SLC2A9: variants seen among roughly 807,000 people sequenced by gnomAD.
SLC2A9 encodes the protein solute carrier family 2 member 9, also known as solute carrier family 2, facilitated glucose transporter member 9.
Under a neutral mutation model 50.6 loss-of-function variants are expected in SLC2A9, and 39 were observed. The observed-to-expected ratio is 0.77, with a 90% CI of 0.60 to 1.01. The LOEUF is 1.01. Ranked by LOEUF, SLC2A9 falls within the 50% of genes least tolerant of loss-of-function variation. SLC2A9 has a pLI of 0.00. For missense variants in SLC2A9, 686 were observed against 677.6 expected (o/e 1.01, Z -0.14); for synonymous variants, 324 against 276.9 (o/e 1.17, Z -1.69).
chr4:10,011,998 C>T (rs1173719618), intron 2 of SLC2A9, among the ~76,000 whole-genome samples: 2 of 152,200 alleles, frequency 1.3e-5, no homozygotes, highest in African/African-American at 2.4e-5. Flanking sequence ...CCTAGACCAC[C>T]ATCTGTTTCG....
intron 5 of SLC2A9, among the ~76,000 whole-genome samples, chr4:9,963,815 C>G (rs921503258): frequency 2.0e-5 from 3 of 152,176 alleles, no homozygotes; most frequent in Non-Finnish European, 4.4e-5. Flanking sequence ...GTGCAAGAAT[C>G]ACATCCAGCG....
intron 3 of SLC2A9, among the ~76,000 whole-genome samples, chr4:9,989,063 C>G (rs1344143839): frequency 6.6e-6 from 1 of 152,204 alleles, no homozygotes; most frequent in Non-Finnish European, 1.5e-5. Flanking sequence ...CCTGACTGGG[C>G]CTATAAGCCA....
chr4:9,782,059 G>T (rs755213948), intron 3 of SLC2A9: 2 of 1,487,192 alleles, frequency 1.3e-6, no homozygotes, highest in South Asian at 2.8e-5. Context: ...ACGGCACCGC[G>T]TACCCGGGGC....
chr4:9,867,278 ACG>A (rs1187062490), intron 10 of SLC2A9, among the ~76,000 whole-genome samples: 7 of 152,202 alleles, frequency 4.6e-5, no homozygotes, highest in Admixed American at 4.6e-4. Flanking sequence ...AAGAAAGTAG[ACG>A]CAGTGTTTCC....
intron 10 of SLC2A9, among the ~76,000 whole-genome samples, chr4:9,839,669 C>T (rs1727702097): frequency 6.6e-6 from 1 of 152,044 alleles, no homozygotes; most frequent in African/African-American, 2.4e-5. Context: ...AGATCATGTC[C>T]TTTGCAGGGA....
chr4:9,896,152 T>C (rs1015875924), intron 8 of SLC2A9, among the ~76,000 whole-genome samples: 7 of 152,364 alleles, frequency 4.6e-5, no homozygotes, highest in Admixed American at 6.5e-5. Context: ...GTTGGATGGG[T>C]AAAACCTTTA....
intron 10 of SLC2A9, among the ~76,000 whole-genome samples, chr4:9,877,658 A>T (rs969551021): frequency 6.6e-6 from 1 of 152,026 alleles, no homozygotes; most frequent in Non-Finnish European, 1.5e-5. Flanking sequence ...GAGTTAAAGG[A>T]CTGAGCCCTT....
chr4:9,981,450 T>G (rs558527694), intron 4 of SLC2A9, among the ~76,000 whole-genome samples: 1 of 152,334 alleles, frequency 6.6e-6, no homozygotes, highest in South Asian at 2.1e-4. Flanking sequence ...TTAACGTTAT[T>G]TACTTTTAAC....
intron 1 of SLC2A9, chr4:10,034,480 T>C (rs563086906): frequency 1.3e-5 from 2 of 152,458 alleles, no homozygotes; most frequent in African/African-American, 4.8e-5. Flanking sequence ...GCCAGAGCTC[T>C]CACTTGGCAT....
intron 2 of SLC2A9, among the ~76,000 whole-genome samples, chr4:10,014,607 T>C (rs1762302380): frequency 6.6e-6 from 1 of 152,198 alleles, no homozygotes; most frequent in African/African-American, 2.4e-5. Flanking sequence ...CAGAAAGCCT[T>C]GAGCTCTCTC....
At chr4:9,915,998 G>A (rs374942432) in intron 7 of SLC2A9, among the ~76,000 whole-genome samples, 1 of 152,174 alleles carries the variant, frequency 6.6e-6, no homozygotes, top group Non-Finnish European at 1.5e-5. Flanking sequence ...AAAAGAGGGG[G>A]AAAGTACCAC....
intron 1 of SLC2A9, chr4:10,029,340 A>G (rs1209882950): frequency 3.9e-5 from 6 of 152,132 alleles, no homozygotes; most frequent in East Asian, 1.9e-4. Context: ...ACAGTCTCCA[A>G]CCAAACCATT....
chr4:9,807,550 C>A (rs1263366009), intron 3 of SLC2A9, among the ~76,000 whole-genome samples: 1 of 152,204 alleles, frequency 6.6e-6, no homozygotes, highest in Non-Finnish European at 1.5e-5. Flanking sequence ...GGCCAGGCCT[C>A]TTGCCTTTTG....
chr4:9,801,511 C>G (rs1721400947), intron 3 of SLC2A9, among the ~76,000 whole-genome samples: 1 of 152,224 alleles, frequency 6.6e-6, no homozygotes, highest in Non-Finnish European at 1.5e-5. Flanking sequence ...GCAGTCAACA[C>G]TGTAGCTCTG....
chr4:9,777,139 A>T (rs895038741), downstream of SLC2A9, among the ~76,000 whole-genome samples: 3 of 152,128 alleles, frequency 2.0e-5, no homozygotes, highest in Non-Finnish European at 2.9e-5. Flanking sequence ...CTCCTCAATA[A>T]TATAAGCCCA....
At chr4:9,849,043 G>C (rs533283115) in intron 10 of SLC2A9, among the ~76,000 whole-genome samples, 10 of 152,286 alleles carry the variant, frequency 6.6e-5, no homozygotes, top group Admixed American at 2.0e-4. Context: ...GGCTAACCAG[G>C]GTGCACGTTC....
chr4:9,845,721 C>A (rs1485635951), intron 10 of SLC2A9, among the ~76,000 whole-genome samples: 1 of 152,174 alleles, frequency 6.6e-6, no homozygotes, highest in Non-Finnish European at 1.5e-5. Context: ...TGAGCCACCG[C>A]GCCCGGCCCT....
intron 3 of SLC2A9, chr4:9,782,843 T>G: frequency 6.2e-7 from 1 of 1,612,670 alleles, no homozygotes; most frequent in Non-Finnish European, 8.5e-7. Context: ...CGCGCAGAGC[T>G]GCCGGAGCAG....
At chr4:9,911,086 C>T (rs567972490) in intron 7 of SLC2A9, among the ~76,000 whole-genome samples, 91 of 152,088 alleles carry the variant, frequency 6.0e-4, no homozygotes, top group African/African-American at 2.1e-3. Context: ...CATCATGGCA[C>T]GTGTATACCT....
Sources: gnomAD v4.1 joint callset for allele counts (sites outside exome capture counted in the v4.1 genomes callset) on GRCh38, gnomAD v4.1.1 for gene constraint, MANE v1.5 for transcripts, NCBI Gene and HGNC (gene_info 2026-07-23, HGNC 2026-07-21) for gene names.